Variants in UPRT observed in about 807,000 individuals in gnomAD.
UPRT encodes uracil phosphoribosyltransferase homolog.
In UPRT, 5 loss-of-function variants were observed where a neutral mutation model predicts 22.6. That is an observed-to-expected ratio of 0.22 (90% CI 0.12 to 0.47). The LOEUF is 0.47. Ranked by LOEUF, UPRT falls within the 20% of genes least tolerant of loss-of-function variation. The pLI is 0.99. For synonymous variants in UPRT, 77 were observed against 87.7 expected (o/e 0.88, Z 0.68); for missense variants, 181 against 239.9 (o/e 0.75, Z 1.62).
At chrX:75,297,289 C>T (rs1481144262) in intron 3 of UPRT, among the ~76,000 whole-genome samples, 1 of 111,737 alleles carries the variant, frequency 8.9e-6, no homozygotes, top group Non-Finnish European at 1.9e-5. Context: ...CAATTATCCC[C>T]ACAGGTTTCT....
At chrX:75,206,916 G>A (rs1198362785) in intron 4 of UPRT, among the ~76,000 whole-genome samples, 9 of 112,247 alleles carry the variant, frequency 8.0e-5, no homozygotes, top group South Asian at 3.7e-4. Context: ...TGCCCGCCTT[G>A]GCCTCCCAAA....
chrX:75,275,956 C>T (rs1364249680), intron 1 of UPRT, among the ~76,000 whole-genome samples: 2 of 111,637 alleles, frequency 1.8e-5, no homozygotes, highest in East Asian at 2.8e-4. Flanking sequence ...AAGCAATCCT[C>T]GTGCCTCGGC....
chrX:75,255,279 TAC>T (rs988274537), intron 4 of UPRT, among the ~76,000 whole-genome samples: 17 of 111,267 alleles, frequency 1.5e-4, no homozygotes, highest in African/African-American at 5.2e-4. Flanking sequence ...GAAAAAAAGA[TAC>T]AGTCTTTTTC....
At chrX:75,287,932 A>G (rs1053179721) in intron 1 of UPRT, among the ~76,000 whole-genome samples, 11 of 111,364 alleles carry the variant, frequency 9.9e-5, no homozygotes, top group Non-Finnish European at 1.9e-4. Context: ...CATTAGCTAG[A>G]TTAACAAAGG....
chrX:75,258,192 T>G (rs1333142179), intron 4 of UPRT, among the ~76,000 whole-genome samples: 1 of 32,752 alleles, frequency 3.1e-5, no homozygotes, highest in Non-Finnish European at 1.0e-4. Context: ...TAGCTGCAGG[T>G]GTTTTTTTTT....
intron 4 of UPRT, among the ~76,000 whole-genome samples, chrX:75,243,075 C>A: frequency 9.0e-6 from 1 of 110,750 alleles, no homozygotes; most frequent in African/African-American, 3.3e-5. Context: ...TGGTTTTGTG[C>A]CTTCATCAAA....
At chrX:75,271,325 C>G (rs138810569), upstream of UPRT, among the ~76,000 whole-genome samples, 340 of 111,785 alleles carry the variant, frequency 3.0e-3, 1 homozygote, top group African/African-American at 0.01. Flanking sequence ...GAACAAAACA[C>G]AAAATCAGAA....
intron 2 of UPRT, among the ~76,000 whole-genome samples, chrX:75,161,843 T>C (rs758066503): frequency 8.9e-6 from 1 of 111,954 alleles, no homozygotes; most frequent in African/African-American, 3.2e-5. Flanking sequence ...TATGTGTCAA[T>C]ACCACCTGTA....
chrX:75,266,055 C>A (rs2082587372), intron 4 of UPRT, among the ~76,000 whole-genome samples: 1 of 111,353 alleles, frequency 9.0e-6, no homozygotes, highest in Admixed American at 9.6e-5. Flanking sequence ...CATCAAGCTA[C>A]CAATGACTTT....
chrX:75,254,430 A>G (rs1309956578), intron 4 of UPRT, among the ~76,000 whole-genome samples: 1 of 112,401 alleles, frequency 8.9e-6, no homozygotes, highest in African/African-American at 3.2e-5. Context: ...AGAAGAAAGA[A>G]AGTCAGAGCT....
At chrX:75,293,191 G>T (rs1043616725) in intron 1 of UPRT, among the ~76,000 whole-genome samples, 1 of 110,909 alleles carries the variant, frequency 9.0e-6, no homozygotes, top group Non-Finnish European at 1.9e-5. Context: ...TTCATCTCCC[G>T]GTTGACTAAT....
At chrX:75,168,880 T>C (rs1211309599) in intron 4 of UPRT, among the ~76,000 whole-genome samples, 1 of 111,877 alleles carries the variant, frequency 8.9e-6, no homozygotes, top group Non-Finnish European at 1.9e-5. Flanking sequence ...ACCCATCACC[T>C]GAGCAGGATA....
rs757088039 is a variant in UPRT at position 75,236,756 on chromosome X, C to T, written c.-446-54268C>T. 2.7e-5 allele frequency among the ~76,000 whole-genome samples: 3 copies of T among 112,471 alleles called. No individual in the cohort carries two copies. The East Asian group carries it at 8.4e-4, about 31-fold the overall frequency. On this transcript the variant is annotated intron_variant, in intron 4 of 13. Transcript: ENST00000652605. ...AAACTGGCTAGCCAGATGTAGAAAGCTGAAACTGGATCCCTTCCTTACACC... is the reference window on the plus strand; with the variant it reads ...AAACTGGCTAGCCAGATGTAGAAAGTTGAAACTGGATCCCTTCCTTACACC...
chrX:75,298,537 T>G (rs1467796353), intron 4 of UPRT, among the ~76,000 whole-genome samples: 2 of 110,808 alleles, frequency 1.8e-5, no homozygotes, highest in African/African-American at 3.3e-5. Context: ...AAGATTTATG[T>G]TTTTTTTGCA....
chrX:75,216,922 T>C (rs2082394827), intron 4 of UPRT, among the ~76,000 whole-genome samples: 2 of 111,346 alleles, frequency 1.8e-5, no homozygotes, highest in Admixed American at 1.9e-4. Flanking sequence ...GCCCGGCTAA[T>C]TTTTTGTGTT....
intron 4 of UPRT, among the ~76,000 whole-genome samples, chrX:75,240,561 C>T (rs1458452992): frequency 9.0e-6 from 1 of 111,622 alleles, no homozygotes; most frequent in Non-Finnish European, 1.9e-5. Context: ...TCATTCTTCA[C>T]AGAGCTAGCA....
At chrX:75,254,193 T>C (rs1452657378) in intron 4 of UPRT, among the ~76,000 whole-genome samples, 1 of 111,294 alleles carries the variant, frequency 9.0e-6, no homozygotes, top group Non-Finnish European at 1.9e-5. Flanking sequence ...AAATCCCTGA[T>C]TTGTCTGAAA....
intron 3 of UPRT, among the ~76,000 whole-genome samples, chrX:75,167,541 C>G (rs1467288272): frequency 8.9e-6 from 1 of 111,897 alleles, no homozygotes; most frequent in Non-Finnish European, 1.9e-5. Context: ...CATTGAAGGA[C>G]TTGGTGAATT....
intron 4 of UPRT, among the ~76,000 whole-genome samples, chrX:75,209,042 G>A (rs2082373630): frequency 8.9e-6 from 1 of 111,915 alleles, no homozygotes; most frequent in Non-Finnish European, 1.9e-5. Context: ...GGGCACTGAG[G>A]ATTAACCAGG....
Sources: gnomAD v4.1 joint callset for allele counts (sites outside exome capture counted in the v4.1 genomes callset) on GRCh38, gnomAD v4.1.1 for gene constraint, MANE v1.5 for transcripts, NCBI Gene and HGNC (gene_info 2026-07-23, HGNC 2026-07-21) for gene names.